DDAH1: variants seen among roughly 807,000 people sequenced by gnomAD.
DDAH1 encodes N(G),N(G)-dimethylarginine dimethylaminohydrolase 1.
A neutral mutation model predicts 28.8 loss-of-function variants in DDAH1; 19 were observed. That is an observed-to-expected ratio of 0.66 (90% CI 0.46 to 0.97). The LOEUF is 0.97. Ranked by LOEUF, DDAH1 falls within the 50% of genes least tolerant of loss-of-function variation. The probability of loss-of-function intolerance (pLI) is 0.00; values close to 1 mark genes in which losing one functional copy is unlikely to be tolerated. For synonymous variants in DDAH1, 153 were observed against 154.4 expected (o/e 0.99, Z 0.07); for missense variants, 326 against 375.9 (o/e 0.87, Z 1.10).
At chr1:85,547,620 T>G (rs1658666069) in intron 1 of DDAH1, among the ~76,000 whole-genome samples, 1 of 152,196 alleles carries the variant, frequency 6.6e-6, no homozygotes, top group Non-Finnish European at 1.5e-5. Flanking sequence ...CATTATAAGT[T>G]CCTCGAAGTG....
At chr1:85,507,213 A>G (rs537359570) in intron 1 of DDAH1, among the ~76,000 whole-genome samples, 3 of 152,296 alleles carry the variant, frequency 2.0e-5, no homozygotes, top group East Asian at 1.9e-4. Flanking sequence ...CTAAATATAC[A>G]TCTTCTATAG....
chr1:85,428,065 G>A (rs1653494498), intron 1 of DDAH1, among the ~76,000 whole-genome samples: 1 of 152,214 alleles, frequency 6.6e-6, no homozygotes, highest in Admixed American at 6.5e-5. Context: ...ACAGCTAACT[G>A]CCATGAAGTG....
At chr1:85,549,815 G>C (rs1658731226) in intron 1 of DDAH1, among the ~76,000 whole-genome samples, 2 of 152,106 alleles carry the variant, frequency 1.3e-5, no homozygotes, top group South Asian at 4.2e-4. Flanking sequence ...AATTTCAGTA[G>C]AATGAGTTTA....
chr1:85,564,188 A>AAACAT (rs1659218171), intron 1 of DDAH1, among the ~76,000 whole-genome samples: 1 of 152,116 alleles, frequency 6.6e-6, no homozygotes. Flanking sequence ...AAACAAAACA[A>AAACAT]AACAAAACAA....
chr1:85,423,617 C>A (rs1489382389), intron 1 of DDAH1, among the ~76,000 whole-genome samples: 1 of 151,958 alleles, frequency 6.6e-6, no homozygotes, highest in Non-Finnish European at 1.5e-5. Flanking sequence ...AGAAAGCAAT[C>A]AACTTTTGTA....
intron 1 of DDAH1, among the ~76,000 whole-genome samples, chr1:85,507,504 C>CAATAAATAAATAAATAAATAAATA (rs773565540): frequency 1.4e-4 from 21 of 148,476 alleles, no homozygotes; most frequent in African/African-American, 5.2e-4. Flanking sequence ...CCCTGCATCA[C>CAATAAATAAATAAATAAATAAATA]AATAAATAAA....
At chr1:85,515,976 T>C (rs1241994463) in intron 1 of DDAH1, among the ~76,000 whole-genome samples, 1 of 152,166 alleles carries the variant, frequency 6.6e-6, no homozygotes, top group Admixed American at 6.5e-5. Context: ...CTTCTTGACT[T>C]GTGGATGTCT....
chr1:85,341,906 C>A (rs1223319023), intron 4 of DDAH1, among the ~76,000 whole-genome samples: 1 of 152,104 alleles, frequency 6.6e-6, no homozygotes, highest in Non-Finnish European at 1.5e-5. Context: ...CATTAAGATT[C>A]TACAGTGAGC....
chr1:85,394,952 G>A (rs750548363), intron 1 of DDAH1, among the ~76,000 whole-genome samples: 5 of 152,120 alleles, frequency 3.3e-5, no homozygotes, highest in Non-Finnish European at 7.4e-5. Context: ...GTTGGCATAT[G>A]ATAGTTCAAA....
rs143324103 is a variant in DDAH1 at position 85,382,029 on chromosome 1, G to A, written c.304-23182C>T. Among the ~76,000 whole-genome samples, 431 of 152,252 alleles carry A rather than the reference G, an allele frequency of 2.8e-3. 1 individual carries two copies. Among genetic ancestry groups the A allele is most frequent in the African/African-American group, 9.7e-3 (403 of 41,546 alleles). ...TACCATGGCCTCCAAGTGTTCAAGT[G>A]AAAGGAGGAATTGTACATTTCTCAC... On this transcript the variant is annotated intron_variant, in intron 1 of 5. Coordinates refer to ENST00000284031, the MANE Select transcript of DDAH1 (RefSeq NM_012137.4).
At chr1:85,445,327 T>C (rs961357465) in intron 1 of DDAH1, among the ~76,000 whole-genome samples, 8 of 152,054 alleles carry the variant, frequency 5.3e-5, no homozygotes, top group African/African-American at 1.7e-4. Context: ...TGAACTAGGT[T>C]ACGAGGATGA....
intron 1 of DDAH1, among the ~76,000 whole-genome samples, chr1:85,371,951 A>C (rs1650405995): frequency 6.6e-6 from 1 of 152,138 alleles, no homozygotes; most frequent in Non-Finnish European, 1.5e-5. Flanking sequence ...GGGTTTGAGC[A>C]TGATATGCAA....
intron 1 of DDAH1, among the ~76,000 whole-genome samples, chr1:85,365,211 A>G (rs1650010055): frequency 6.6e-6 from 1 of 152,228 alleles, no homozygotes; most frequent in Non-Finnish European, 1.5e-5. Context: ...ATTTCAACTT[A>G]GCTTTGCTCT....
chr1:85,553,362 T>C (rs1658854936), intron 1 of DDAH1, among the ~76,000 whole-genome samples: 1 of 152,218 alleles, frequency 6.6e-6, no homozygotes, highest in African/African-American at 2.4e-5. Flanking sequence ...AGAGAGTGAA[T>C]TTTTTACTCT....
chr1:85,524,219 G>C (rs1354019996), intron 1 of DDAH1, among the ~76,000 whole-genome samples: 1 of 150,880 alleles, frequency 6.6e-6, no homozygotes, highest in African/African-American at 2.4e-5. Context: ...AAGAGGTAGG[G>C]ACAATAATAA....
At chr1:85,463,041 C>T (rs991840738) in intron 1 of DDAH1, among the ~76,000 whole-genome samples, 2 of 152,254 alleles carry the variant, frequency 1.3e-5, no homozygotes, top group African/African-American at 4.8e-5. Flanking sequence ...TGTATAGATG[C>T]GAAAACTGAG....
chr1:85,456,167 C>G (rs1382176378), intron 1 of DDAH1, among the ~76,000 whole-genome samples: 2 of 152,246 alleles, frequency 1.3e-5, no homozygotes, highest in East Asian at 1.9e-4. Context: ...CTCCTGCCCC[C>G]AGGACAGTGG....
intron 4 of DDAH1, among the ~76,000 whole-genome samples, chr1:85,342,934 A>G (rs1176289031): frequency 1.3e-5 from 2 of 152,216 alleles, no homozygotes; most frequent in Non-Finnish European, 2.9e-5. Flanking sequence ...AAAGCTACTC[A>G]GATGCCTTTA....
intron 1 of DDAH1, among the ~76,000 whole-genome samples, chr1:85,564,381 T>C (rs1016527706): frequency 6.6e-6 from 1 of 152,190 alleles, no homozygotes; most frequent in African/African-American, 2.4e-5. Flanking sequence ...AAACTTTGAA[T>C]GACCTAATAC....
Sources: allele counts gnomAD v4.1 joint callset (sites outside exome capture counted in the v4.1 genomes callset), GRCh38; gene constraint gnomAD v4.1.1; transcripts MANE v1.5; gene names NCBI Gene and HGNC (gene_info 2026-07-23, HGNC 2026-07-21).